Variants in SRRM4 observed in about 807,000 individuals in gnomAD.
SRRM4 encodes the protein serine/arginine repetitive matrix protein 4.
Under a neutral mutation model 68.9 loss-of-function variants are expected in SRRM4, and 33 were observed. The ratio of observed to expected loss-of-function variants is 0.48; its 90% CI spans 0.36 to 0.64. SRRM4 has a LOEUF of 0.64. Ranked by LOEUF, SRRM4 falls within the 30% of genes least tolerant of loss-of-function variation. The pLI, the probability that SRRM4 is intolerant of heterozygous loss-of-function variation, is 0.00. For synonymous variants in SRRM4, 318 were observed against 318.8 expected, an observed-to-expected ratio of 1.00 and a Z score of 0.03; for missense variants, 817 against 827.1, an observed-to-expected ratio of 0.99 and a Z score of 0.15.
chr12:119,099,585 G>C (rs954630541), intron 1 of SRRM4, among the ~76,000 whole-genome samples: 8 of 152,304 alleles, frequency 5.3e-5, no homozygotes, highest in Admixed American at 3.3e-4. Context: ...ACAACAAACA[G>C]TTATTATGGT....
chr12:119,070,407 A>G (rs1953871301), intron 1 of SRRM4, among the ~76,000 whole-genome samples: 1 of 152,132 alleles, frequency 6.6e-6, no homozygotes, highest in Non-Finnish European at 1.5e-5. Context: ...GAGTAGGGGC[A>G]TCTTAGAGTT....
chr12:119,019,127 C>T (rs1953498819), intron 1 of SRRM4, among the ~76,000 whole-genome samples: 1 of 152,214 alleles, frequency 6.6e-6, no homozygotes, highest in Non-Finnish European at 1.5e-5. Context: ...TGCCACAATG[C>T]CACCTTCCCT....
intron 1 of SRRM4, among the ~76,000 whole-genome samples, chr12:118,999,628 C>T (rs1953371808): frequency 6.6e-6 from 1 of 152,114 alleles, no homozygotes; most frequent in African/African-American, 2.4e-5. Context: ...GTATGTTAGG[C>T]ATTACACTAA....
At chr12:119,057,946 A>T (rs569576528) in intron 1 of SRRM4, among the ~76,000 whole-genome samples, 1 of 152,272 alleles carries the variant, frequency 6.6e-6, no homozygotes, top group South Asian at 2.1e-4. Context: ...CAAAACCATG[A>T]TCTTCCCCAA....
chr12:119,141,554 T>C (rs1040155270), intron 8 of SRRM4, among the ~76,000 whole-genome samples: 2 of 152,144 alleles, frequency 1.3e-5, no homozygotes, highest in African/African-American at 4.8e-5. Flanking sequence ...TTCCCAAAGC[T>C]GGCAGACACC....
intron 1 of SRRM4, among the ~76,000 whole-genome samples, chr12:119,043,801 C>CAT (rs1953686634): frequency 6.6e-6 from 1 of 151,894 alleles, no homozygotes; most frequent in South Asian, 2.1e-4. Context: ...CACACACACA[C>CAT]ACACACAAGT....
rs542280513 is a variant in SRRM4 at position 119,004,319 on chromosome 12, G to T, written c.131+22306G>T. ...ACCATTCTGCTCCTTGCGTCCTGTG[G>T]GATATTTTTCATAAGAACATCTGAT... On this transcript the variant is annotated intron_variant, in intron 1 of 12. Coordinates refer to ENST00000267260, the MANE Select transcript of SRRM4 (RefSeq NM_194286.4). Among the ~76,000 whole-genome samples, 47 of 151,962 alleles carry T rather than the reference G, an allele frequency of 3.1e-4. 1 individual carries two copies. Among genetic ancestry groups the T allele is most frequent in the African/African-American group, 7.0e-4 (29 of 41,484 alleles).
chr12:119,052,308 T>C (rs1202499800), intron 1 of SRRM4, among the ~76,000 whole-genome samples: 3 of 152,210 alleles, frequency 2.0e-5, no homozygotes, highest in Admixed American at 2.0e-4. Context: ...GAGTTTCCAC[T>C]GCTAAGGACC....
chr12:119,068,080 G>A (rs973114455), intron 1 of SRRM4, among the ~76,000 whole-genome samples: 2 of 152,242 alleles, frequency 1.3e-5, no homozygotes, highest in Admixed American at 1.3e-4. Flanking sequence ...GACCGTGGCA[G>A]CGTAACCTGG....
rs182752044 is a variant in SRRM4 at position 119,018,281 on chromosome 12, G to A, written c.131+36268G>A. On this transcript the variant is annotated intron_variant, in intron 1 of 12. Coordinates refer to ENST00000267260, the MANE Select transcript of SRRM4 (RefSeq NM_194286.4). ...AGGTGATTGGTGGAAGAAAAGGGGG[G>A]TTTTGGAAAGTCCTTGGGCATGCAC... Among the ~76,000 whole-genome samples the A allele has an allele frequency of 6.6e-5, 10 of 152,304 alleles. No homozygotes were observed. In the East Asian group the frequency reaches 1.7e-3, roughly 26 times the overall value.
chr12:119,120,596 ACCAAAACCTTC>A (rs1245854974), intron 5 of SRRM4, among the ~76,000 whole-genome samples: 2 of 152,160 alleles, frequency 1.3e-5, no homozygotes, highest in African/African-American at 4.8e-5. Context: ...CTGTCACACC[ACCAAAACCTTC>A]CCAGATCTGG....
chr12:119,114,795 G>A (rs1389823737), intron 3 of SRRM4, among the ~76,000 whole-genome samples: 1 of 150,634 alleles, frequency 6.6e-6, no homozygotes, highest in African/African-American at 2.4e-5. Context: ...CTCCCGAGTA[G>A]CTGTGACTAC....
chr12:119,141,644 A>G (rs1365436), intron 8 of SRRM4, among the ~76,000 whole-genome samples: 9,298 of 152,194 alleles, frequency 0.061, 694 homozygotes, highest in African/African-American at 0.18. Flanking sequence ...AGGCTTTCAA[A>G]GGACCGGAGA....
chr12:119,076,902 T>A (rs2136029364), intron 1 of SRRM4, among the ~76,000 whole-genome samples: 1 of 152,008 alleles, frequency 6.6e-6, no homozygotes, highest in South Asian at 2.1e-4. Flanking sequence ...TTTTAAAAAC[T>A]GCTTTTTGGT....
intron 1 of SRRM4, among the ~76,000 whole-genome samples, chr12:119,045,120 A>C (rs891768452): frequency 6.6e-6 from 1 of 152,178 alleles, no homozygotes; most frequent in Admixed American, 6.5e-5. Context: ...GGGCTCAGCT[A>C]TACGGATGTG....
intron 6 of SRRM4, among the ~76,000 whole-genome samples, 197 bp downstream of exon 6, chr12:119,122,317 A>G (rs1954226721): frequency 6.7e-6 from 1 of 148,814 alleles, no homozygotes; most frequent in South Asian, 2.2e-4. Flanking sequence ...GAAGGAAGGA[A>G]GGAAGGAAGG....
chr12:118,999,698 C>T (rs186978019), intron 1 of SRRM4, among the ~76,000 whole-genome samples: 5 of 152,222 alleles, frequency 3.3e-5, no homozygotes, highest in African/African-American at 9.6e-5. Flanking sequence ...AGGGAATATT[C>T]TTATAGCTAT....
intron 1 of SRRM4, among the ~76,000 whole-genome samples, chr12:119,088,579 G>A (rs190832539): frequency 1.3e-5 from 2 of 152,152 alleles, no homozygotes; most frequent in Admixed American, 1.3e-4. Flanking sequence ...AATAGTTGAA[G>A]GACTTTGCCC....
chr12:119,071,188 A>G (rs1304792982), intron 1 of SRRM4, among the ~76,000 whole-genome samples: 1 of 152,216 alleles, frequency 6.6e-6, no homozygotes, highest in Non-Finnish European at 1.5e-5. Flanking sequence ...CCTAGTGCCC[A>G]TCACAACCAA....
Sources: allele counts gnomAD v4.1 joint callset (sites outside exome capture counted in the v4.1 genomes callset), GRCh38; gene constraint gnomAD v4.1.1; transcripts MANE v1.5; gene names NCBI Gene and HGNC (gene_info 2026-07-23, HGNC 2026-07-21).